EEFSEC: variants seen among roughly 807,000 people sequenced by gnomAD.
EEFSEC encodes the protein selenocysteine-specific elongation factor.
EEFSEC carries 43 observed loss-of-function variants against 42.1 expected under a neutral mutation model. The observed-to-expected ratio is 1.02, with a 90% CI of 0.80 to 1.32. The LOEUF is 1.32. Among genes scored for constraint, EEFSEC ranks in the 40% most tolerant of loss-of-function variants. The pLI is 0.00. For missense variants in EEFSEC, 745 were observed against 803.6 expected, an observed-to-expected ratio of 0.93 and a Z score of 0.88; for synonymous variants, 354 against 339.1, an observed-to-expected ratio of 1.04 and a Z score of -0.48.
At chr3:128,424,695 T>C in the EEFSEC span, among the ~76,000 whole-genome samples, 1 of 152,256 alleles carries the variant, frequency 6.6e-6, no homozygotes, top group South Asian at 2.1e-4. Context: ...ATTTATCATT[T>C]TTATTAAGGA....
chr3:128,419,510 C>T, the EEFSEC span, among the ~76,000 whole-genome samples: 7 of 152,130 alleles, frequency 4.6e-5, no homozygotes, highest in African/African-American at 9.7e-5. Context: ...TGGAGAAAGG[C>T]GTGCAAGGAT....
At chr3:128,295,802 T>C (rs2066699572) in intron 4 of EEFSEC, among the ~76,000 whole-genome samples, 1 of 151,880 alleles carries the variant, frequency 6.6e-6, no homozygotes, top group South Asian at 2.1e-4. Flanking sequence ...CTCAGTGGGG[T>C]GGTGGGAACC....
chr3:128,356,408 C>T (rs1576666853), intron 5 of EEFSEC, among the ~76,000 whole-genome samples: 1 of 152,064 alleles, frequency 6.6e-6, no homozygotes, highest in African/African-American at 2.4e-5. Flanking sequence ...TCTGGGGTGA[C>T]CACAATGCAT....
chr3:128,334,648 C>T (rs1007260489), intron 4 of EEFSEC, among the ~76,000 whole-genome samples: 9 of 152,240 alleles, frequency 5.9e-5, no homozygotes, highest in African/African-American at 2.2e-4. Context: ...GGCAAAGCTT[C>T]TTTGTTAATC....
chr3:128,415,063 C>T, the EEFSEC span, among the ~76,000 whole-genome samples: 1 of 152,120 alleles, frequency 6.6e-6, no homozygotes, highest in African/African-American at 2.4e-5. Flanking sequence ...GGCAAGACAC[C>T]TTGGCAAGCT....
chr3:128,193,180 G>A (rs1236873878), intron 1 of EEFSEC, among the ~76,000 whole-genome samples: 3 of 152,202 alleles, frequency 2.0e-5, no homozygotes, highest in African/African-American at 7.2e-5. Flanking sequence ...CTGTCCTTAT[G>A]TATCACTGAA....
chr3:128,262,301 C>A, intron 3 of EEFSEC, 77 bp downstream of exon 3: 1 of 1,324,884 alleles, frequency 7.5e-7, no homozygotes. Flanking sequence ...CCTCTCTCCC[C>A]TGAGAGAGAA....
chr3:128,419,584 AG>A, the EEFSEC span, among the ~76,000 whole-genome samples: 25 of 152,144 alleles, frequency 1.6e-4, no homozygotes, highest in Non-Finnish European at 2.5e-4. Context: ...TGGTGGGAAA[AG>A]GGCACTCAGC....
chr3:128,332,624 A>G (rs2067146321), intron 4 of EEFSEC, among the ~76,000 whole-genome samples: 1 of 152,154 alleles, frequency 6.6e-6, no homozygotes, highest in Non-Finnish European at 1.5e-5. Context: ...GCTAATTTTT[A>G]TACTTTTGTA....
chr3:128,215,931 C>A (rs4384971), intron 1 of EEFSEC, among the ~76,000 whole-genome samples: 107,270 of 151,862 alleles, frequency 0.71, 38,117 homozygotes, highest in East Asian at 0.89. Context: ...CCACGCCTAT[C>A]CCTGGAGCTG....
In EEFSEC at chr3:128,153,720, C is replaced by G; in HGVS notation, c.213C>G (p.Phe71Leu). 1 of 1,573,406 alleles carries G rather than the reference C, an allele frequency of 6.4e-7. No individual in the cohort carries two copies. Among genetic ancestry groups the G allele is most frequent in the Non-Finnish European group, 8.6e-7 (1 of 1,168,728 alleles). ...PARLRSSLPE[F>L]QAAPEAEPEP... ...GCCTGCGGTCGTCTTTGCCCGAGTT[C>G]CAGGCAGCGCCCGAGGCCGAGCCCG... is the stretch of plus-strand genomic sequence containing the variant. Residue 71 changes from phenylalanine (F) to leucine (L), a missense_variant, in exon 1 of 7, where the codon TTC becomes TTG. Physicochemically the swap from Phe to Leu is conservative, Grantham distance 22. Coordinates refer to ENST00000254730, the MANE Select transcript of EEFSEC (RefSeq NM_021937.5).
chr3:128,412,684 G>T (rs2068182237), downstream of EEFSEC, among the ~76,000 whole-genome samples: 1 of 152,344 alleles, frequency 6.6e-6, no homozygotes, highest in African/African-American at 2.4e-5. Flanking sequence ...CTCCACACAG[G>T]CAGCCCAGAT....
chr3:128,277,571 G>A (rs1006354563), intron 4 of EEFSEC, among the ~76,000 whole-genome samples: 1 of 152,252 alleles, frequency 6.6e-6, no homozygotes, highest in African/African-American at 2.4e-5. Flanking sequence ...GTGAGTGACA[G>A]CTGTGGCTCC....
At chr3:128,205,024 T>C (rs1306709934) in intron 1 of EEFSEC, among the ~76,000 whole-genome samples, 1 of 152,216 alleles carries the variant, frequency 6.6e-6, no homozygotes, top group Non-Finnish European at 1.5e-5. Flanking sequence ...ATAAGGCAGA[T>C]TTGATTCACT....
chr3:128,372,189 C>A (rs142986002), intron 6 of EEFSEC, among the ~76,000 whole-genome samples: 1 of 152,180 alleles, frequency 6.6e-6, no homozygotes, highest in African/African-American at 2.4e-5. Context: ...GTGGAACTTG[C>A]GATTGGCTGT....
intron 4 of EEFSEC, among the ~76,000 whole-genome samples, chr3:128,334,829 G>A (rs1351328540): frequency 2.0e-5 from 3 of 152,224 alleles, no homozygotes; most frequent in Admixed American, 6.5e-5. Flanking sequence ...GCTAGGCTCA[G>A]GGGACGGACC....
At chr3:128,338,708 G>A (rs544531799) in intron 4 of EEFSEC, among the ~76,000 whole-genome samples, 2 of 152,338 alleles carry the variant, frequency 1.3e-5, no homozygotes, top group East Asian at 3.9e-4. Context: ...CTGTGGAGTT[G>A]GGCTGCATGG....
intron 1 of EEFSEC, among the ~76,000 whole-genome samples, chr3:128,199,305 G>A (rs1371028182): frequency 1.3e-5 from 2 of 152,180 alleles, no homozygotes; most frequent in East Asian, 3.8e-4. Flanking sequence ...TGTTAACAGA[G>A]GGTTGGTGCC....
chr3:128,363,944 C>T (rs1168071398), intron 6 of EEFSEC, among the ~76,000 whole-genome samples: 1 of 152,140 alleles, frequency 6.6e-6, no homozygotes, highest in African/African-American at 2.4e-5. Flanking sequence ...CCTCATCAGA[C>T]TCCCTCAGAA....
Sources: gnomAD v4.1 joint callset for allele counts (sites outside exome capture counted in the v4.1 genomes callset) on GRCh38, gnomAD v4.1.1 for gene constraint, MANE v1.5 for transcripts, NCBI Gene and HGNC (gene_info 2026-07-23, HGNC 2026-07-21) for gene names.